Variants in TRPM3 observed in about 807,000 individuals in gnomAD.
TRPM3 encodes the protein long transient receptor potential channel 3.
TRPM3 carries 77 observed loss-of-function variants against 181.2 expected under a neutral mutation model. The ratio of observed to expected loss-of-function variants is 0.42; its 90% confidence interval spans 0.35 to 0.51. The LOEUF is 0.51. TRPM3 is among the 20% of genes least tolerant of loss of function. TRPM3 has a pLI of 0.01. For missense variants in TRPM3, 1,759 were observed against 2,196.7 expected (o/e 0.80, Z 3.98); for synonymous variants, 745 against 796.4 (o/e 0.94, Z 1.09).
In TRPM3 at chr9:70,535,344, C is replaced by A; in HGVS notation, c.*609G>T. Reference sequence around the variant, plus strand: ...GAGACAGGTGAACTATGACTGTTACCTTGTTTTTTCTTTATAATGATCAAT... The same window carrying A: ...GAGACAGGTGAACTATGACTGTTACATTGTTTTTTCTTTATAATGATCAAT... On this transcript the variant is annotated 3_prime_UTR_variant, in exon 26 of 26. Coordinates refer to ENST00000677713, the MANE Select transcript of TRPM3 (RefSeq NM_001366145.2). 1 of 1,450,444 alleles carries A rather than the reference C, an allele frequency of 6.9e-7. No homozygotes were observed. Among genetic ancestry groups the A allele is most frequent in the Non-Finnish European group, 9.4e-7 (1 of 1,058,426 alleles). 89.8% of individuals were successfully genotyped at this position (1,450,444 alleles called of 1,614,324 possible).
At chr9:70,806,269 G>C (rs2090651014) in intron 6 of TRPM3, among the ~76,000 whole-genome samples, 1 of 150,178 alleles carries the variant, frequency 6.7e-6, no homozygotes, top group African/African-American at 2.5e-5. Flanking sequence ...GTTTGTTTCA[G>C]CTATGGGTGC....
chr9:71,417,007 T>C (rs1036100), intron 1 of TRPM3, among the ~76,000 whole-genome samples: 30,328 of 151,942 alleles, frequency 0.2, 3,481 homozygotes, highest in Middle Eastern at 0.28. Flanking sequence ...CAATAGTTCA[T>C]TCTTTTTTAT....
chr9:70,853,952 C>T (rs2132226384), intron 3 of TRPM3, among the ~76,000 whole-genome samples: 1 of 152,294 alleles, frequency 6.6e-6, no homozygotes, highest in Non-Finnish European at 1.5e-5. Flanking sequence ...TGAGGATTTT[C>T]ATTTTCAAAT....
chr9:71,001,518 C>T (rs1189706674), intron 1 of TRPM3, among the ~76,000 whole-genome samples: 1 of 152,206 alleles, frequency 6.6e-6, no homozygotes, highest in Non-Finnish European at 1.5e-5. Flanking sequence ...TCTGCACAAG[C>T]TTGCTGAATT....
intron 5 of TRPM3, 90 bp downstream of exon 5, chr9:70,842,913 A>C: frequency 2.3e-6 from 3 of 1,316,054 alleles, no homozygotes; most frequent in Non-Finnish European, 3.2e-6. Context: ...AGAATACTAT[A>C]ATGTGCACAT....
intron 22 of TRPM3, among the ~76,000 whole-genome samples, chr9:70,589,756 G>T (rs531429854): frequency 1.3e-5 from 2 of 152,314 alleles, no homozygotes; most frequent in East Asian, 3.9e-4. Context: ...AAAAAGTCTT[G>T]ATTGCCTTAG....
rs79088017 is a variant in TRPM3, at chr9:70,998,561, A to G, written c.177+122617T>C. 4.9e-3 allele frequency among the ~76,000 whole-genome samples: 753 copies of G among 152,276 alleles called. 19 individuals are homozygous for G. In the East Asian group the frequency reaches 0.078, roughly 16 times the overall value. ...GTGGTGGTGTACACTCTGTGGGTTT[A>G]GACAAATCTAGAATGGTATGTGTCA... On this transcript the variant is annotated intron_variant, in intron 1 of 25. Transcript: ENST00000677713.
At chr9:70,959,481 AAAAG>A (rs2097114802) in intron 1 of TRPM3, among the ~76,000 whole-genome samples, 1 of 152,120 alleles carries the variant, frequency 6.6e-6, no homozygotes, top group Non-Finnish European at 1.5e-5. Context: ...AAAGCACCAA[AAAAG>A]AAAGAAAGGC....
intron 9 of TRPM3, among the ~76,000 whole-genome samples, chr9:70,670,828 C>T (rs1000033783): frequency 6.6e-6 from 1 of 152,270 alleles, no homozygotes; most frequent in East Asian, 1.9e-4. Context: ...TCATGTGTCC[C>T]TTATATCAAA....
At chr9:71,435,852 G>T (rs141241592) in intron 1 of TRPM3, among the ~76,000 whole-genome samples, 42 of 152,286 alleles carry the variant, frequency 2.8e-4, no homozygotes, top group Admixed American at 3.9e-4. Flanking sequence ...TAATCATAAG[G>T]TTCCCTAAAT....
chr9:71,045,638 C>CA (rs1375402581), intron 1 of TRPM3, among the ~76,000 whole-genome samples: 2 of 152,090 alleles, frequency 1.3e-5, no homozygotes, highest in African/African-American at 4.8e-5. Context: ...AAAATGCAGA[C>CA]AAGAAATTTT....
intron 9 of TRPM3, among the ~76,000 whole-genome samples, chr9:70,646,572 G>A (rs75870657): frequency 1.3e-5 from 2 of 152,236 alleles, no homozygotes; most frequent in African/African-American, 4.8e-5. Context: ...CTGTTAGGGG[G>A]TGAGGGGCTA....
intron 1 of TRPM3, among the ~76,000 whole-genome samples, chr9:71,049,931 G>A (rs536729325): frequency 2.0e-5 from 3 of 152,258 alleles, no homozygotes; most frequent in African/African-American, 4.8e-5. Context: ...ACACTGTTCT[G>A]ATAGTCAACA....
intron 7 of TRPM3, among the ~76,000 whole-genome samples, chr9:70,764,314 C>T (rs1227751966): frequency 6.6e-6 from 1 of 152,098 alleles, no homozygotes; most frequent in Non-Finnish European, 1.5e-5. Context: ...TGATGTTGTA[C>T]ATGATTAACA....
intron 18 of TRPM3, among the ~76,000 whole-genome samples, chr9:70,614,528 T>C (rs1248893048): frequency 6.6e-6 from 1 of 152,076 alleles, no homozygotes; most frequent in South Asian, 2.1e-4. Context: ...ATGGGGATAA[T>C]AATAGTGCCT....
At chr9:70,886,160 C>T (rs796662267) in intron 1 of TRPM3, among the ~76,000 whole-genome samples, 6 of 152,246 alleles carry the variant, frequency 3.9e-5, no homozygotes, top group African/African-American at 1.2e-4. Context: ...GAACAAGTGA[C>T]ACAGTTATTA....
intron 1 of TRPM3, among the ~76,000 whole-genome samples, chr9:71,030,691 T>G (rs372455446): frequency 1.1e-3 from 171 of 152,260 alleles, no homozygotes; most frequent in African/African-American, 3.2e-3. Flanking sequence ...ATTTGGGAAT[T>G]TAGTGCAGCA....
intron 1 of TRPM3, among the ~76,000 whole-genome samples, chr9:71,302,038 A>G (rs2086825015): frequency 6.6e-6 from 1 of 152,134 alleles, no homozygotes; most frequent in African/African-American, 2.4e-5. Flanking sequence ...TAATTTCCAT[A>G]GCTTTGGGAA....
chr9:70,913,004 ATAAG>A (rs2096554133), intron 1 of TRPM3, among the ~76,000 whole-genome samples: 1 of 152,168 alleles, frequency 6.6e-6, no homozygotes, highest in African/African-American at 2.4e-5. Context: ...ACCCACTTAG[ATAAG>A]TAAGTACCCA....
Sources: allele counts gnomAD v4.1 joint callset (sites outside exome capture counted in the v4.1 genomes callset), GRCh38; gene constraint gnomAD v4.1.1; transcripts MANE v1.5; gene names NCBI Gene and HGNC (gene_info 2026-07-23, HGNC 2026-07-21).